The following FRMD5 variants were observed in gnomAD, a reference collection of about 807,000 sequenced individuals.
FRMD5 encodes the protein FERM domain-containing protein 5.
In FRMD5, 20 loss-of-function variants were observed where a neutral mutation model predicts 69.0. The observed-to-expected ratio is 0.29, with a 90% confidence interval of 0.20 to 0.42. FRMD5 has a LOEUF of 0.42. FRMD5 is among the 10% of genes least tolerant of loss of function. The pLI, the probability that FRMD5 is intolerant of heterozygous loss-of-function variation, is 1.00. For synonymous variants in FRMD5, 271 were observed against 260.1 expected (o/e 1.04, Z -0.40); for missense variants, 595 against 708.6 (o/e 0.84, Z 1.82).
intron 1 of FRMD5, chr15:43,989,658 G>A: frequency 1.1e-6 from 1 of 915,292 alleles, no homozygotes. Flanking sequence ...CACACACGCA[G>A]GATGGCATGG....
Position 43,874,119 on chromosome 15 carries a change from C to G in FRMD5, c.1479G>C (p.Gln493His). ...CQGHSGPEEE[Q>H]VNKFVLSVLR... The stretch of plus-strand genomic sequence containing the variant: ...GGACACTTAGAACAAACTTATTCAC[C>G]TGTTCCTCCTCGGGCCCGCTGTGCC... Residue 493 changes from glutamine (Q) to histidine (H), a missense_variant, in exon 14 of 14, where the codon CAG becomes CAC. By Grantham distance (24) the Gln-to-His change is conservative. This residue lies in a region of FRMD5 where 245 missense variants were observed against 227.1 expected (regional missense o/e 1.08). Coordinates refer to ENST00000417257, the MANE Select transcript of FRMD5 (RefSeq NM_032892.5). 2 of 1,614,210 alleles carry G rather than the reference C, an allele frequency of 1.2e-6. No individual in the cohort carries two copies. The highest frequency in any genetic ancestry group is 1.7e-6 in the Non-Finnish European group (2 of 1,180,022).
At chr15:43,880,017 C>T (rs546081007) in intron 13 of FRMD5, among the ~76,000 whole-genome samples, 8 of 152,220 alleles carry the variant, frequency 5.3e-5, no homozygotes, top group Non-Finnish European at 1.2e-4. Context: ...GCTCCAACCT[C>T]TCAGAGGGCA....
At chr15:43,914,639 T>C (rs1384148106) in intron 4 of FRMD5, among the ~76,000 whole-genome samples, 1 of 150,176 alleles carries the variant, frequency 6.7e-6, no homozygotes, top group African/African-American at 2.5e-5. Context: ...CAAAACAAAA[T>C]AACAATAAAG....
chr15:44,196,738 C>CTCTCTT (rs1215200654), upstream of FRMD5, among the ~76,000 whole-genome samples: 1 of 103,252 alleles, frequency 9.7e-6, no homozygotes, highest in Non-Finnish European at 2.0e-5. Context: ...TTCATTCTCT[C>CTCTCTT]TCTCTCTCTC....
In FRMD5 at chr15:43,873,985, G is replaced by C. The variant is rs763937333; in HGVS notation, c.1613C>G (p.Thr538Ser). 2.5e-6 allele frequency: 4 copies of C among 1,614,214 alleles called. No homozygotes were observed. The highest frequency in any genetic ancestry group is 2.5e-6 in the Non-Finnish European group (3 of 1,180,026). The change falls in exon 14 of 14, where the codon ACC becomes AGC. Residue 538 changes from threonine to serine, a missense_variant. Around this residue, in one of 5 missense-constraint regions of FRMD5, gnomAD observed 245 missense variants for 227.1 expected, o/e 1.08. Transcript: ENST00000417257. Reference protein sequence around the residue: ...DIAFFRDIRQTPEFEQFHYQY... With the variant: ...DIAFFRDIRQSPEFEQFHYQY... The stretch of plus-strand genomic sequence containing the variant: ...ATAGTGGAATTGTTCAAACTCGGGG[G>C]TCTGGCGGATATCACGGAAAAAGGC...
Position 44,194,782 on chromosome 15 carries a change from G to T in FRMD5, c.102+171C>A, listed in dbSNP as rs772682074. 5.0e-5 allele frequency: 35 copies of T among 699,506 alleles called. No homozygotes were observed. In the South Asian group the frequency reaches 5.2e-4, roughly 10 times the overall value. 43.3% of individuals were successfully genotyped at this position (699,506 alleles called of 1,614,324 possible). ...CACACCGGGTGCCAGGGCTCCGGCA[G>T]GGGCTCCGGTGAAGACGCCCTGCAC... On this transcript the variant is annotated intron_variant, in intron 1 of 13. Transcript: ENST00000417257.
intron 13 of FRMD5, among the ~76,000 whole-genome samples, chr15:43,878,610 T>G (rs1404017553): frequency 6.6e-6 from 1 of 152,218 alleles, no homozygotes; most frequent in Non-Finnish European, 1.5e-5. Flanking sequence ...AGCAGAAACC[T>G]TAAGGCCCTG....
intron 1 of FRMD5, among the ~76,000 whole-genome samples, chr15:44,010,514 C>T (rs1046150645): frequency 2.6e-5 from 4 of 151,144 alleles, no homozygotes; most frequent in Non-Finnish European, 5.9e-5. Context: ...TTTCCTGCTT[C>T]GGCCTCCTGA....
At chr15:43,951,653 T>C (rs1300671737) in intron 1 of FRMD5, among the ~76,000 whole-genome samples, 1 of 152,154 alleles carries the variant, frequency 6.6e-6, no homozygotes, top group Non-Finnish European at 1.5e-5. Context: ...CACAGTACAG[T>C]GGTATAACTG....
intron 1 of FRMD5, among the ~76,000 whole-genome samples, chr15:44,151,922 A>G (rs1220771735): frequency 1.3e-5 from 2 of 152,224 alleles, no homozygotes; most frequent in African/African-American, 4.8e-5. Context: ...AAATGGGCAA[A>G]GGCCAGGCCA....
chr15:43,888,594 T>C (rs1199907084), intron 9 of FRMD5, among the ~76,000 whole-genome samples: 2 of 152,216 alleles, frequency 1.3e-5, no homozygotes, highest in Non-Finnish European at 2.9e-5. Context: ...AAAGATCTCT[T>C]GAGTGGAAGC....
At chr15:43,906,034 G>A (rs2089164055) in intron 5 of FRMD5, 83 bp from the exon 6 acceptor site, 4 of 1,539,046 alleles carry the variant, frequency 2.6e-6, no homozygotes, top group African/African-American at 2.7e-5. Context: ...AGCACACAGA[G>A]CAAAAGCCAA....
intron 1 of FRMD5, among the ~76,000 whole-genome samples, chr15:44,109,149 C>A (rs934304535): frequency 6.6e-6 from 1 of 151,834 alleles, no homozygotes; most frequent in Non-Finnish European, 1.5e-5. Flanking sequence ...TGGTTATGTT[C>A]CTTGAATAAT....
intron 1 of FRMD5, among the ~76,000 whole-genome samples, chr15:44,114,013 CTATCTA>C (rs1189631974): frequency 6.6e-6 from 1 of 152,034 alleles, no homozygotes; most frequent in Non-Finnish European, 1.5e-5. Context: ...GATGGTATCT[CTATCTA>C]TAACAGTCGT....
intron 1 of FRMD5, among the ~76,000 whole-genome samples, chr15:44,056,670 C>T: frequency 6.6e-6 from 1 of 152,078 alleles, no homozygotes. Flanking sequence ...TTAAGCAATT[C>T]CTTCAAATAC....
chr15:43,919,438 C>G (rs141423233), intron 4 of FRMD5, 21 bp downstream of exon 4: 22 of 1,607,158 alleles, frequency 1.4e-5, no homozygotes, highest in Middle Eastern at 3.3e-4. Flanking sequence ...CTAATGGCTG[C>G]GGGAAGCATG....
chr15:43,984,424 G>C (rs1889286482), intron 1 of FRMD5, among the ~76,000 whole-genome samples: 1 of 152,200 alleles, frequency 6.6e-6, no homozygotes, highest in African/African-American at 2.4e-5. Context: ...CCAGTGGGCA[G>C]GCACAGAGCA....
intron 5 of FRMD5, 59 bp from the exon 6 acceptor site, chr15:43,906,010 A>T (rs2089163586): frequency 6.2e-7 from 1 of 1,607,268 alleles, no homozygotes; most frequent in African/African-American, 1.3e-5. Context: ...TCATTGACAA[A>T]GCAACAAGAG....
intron 1 of FRMD5, among the ~76,000 whole-genome samples, chr15:44,057,429 G>A (rs544485615): frequency 6.6e-6 from 1 of 152,280 alleles, no homozygotes; most frequent in Non-Finnish European, 1.5e-5. Flanking sequence ...TATCCTATCT[G>A]GAGATATTGC....
Sources: allele counts gnomAD v4.1 joint callset (sites outside exome capture counted in the v4.1 genomes callset), GRCh38; gene constraint gnomAD v4.1.1; regional missense constraint gnomAD v4.1.1; transcripts MANE v1.5; gene names NCBI Gene and HGNC (gene_info 2026-07-23, HGNC 2026-07-21).